The following USP20 variants were observed in gnomAD, a reference collection of about 807,000 sequenced individuals.
USP20 encodes the protein ubiquitin specific peptidase 20.
USP20 carries 80 observed loss-of-function variants against 124.2 expected under a neutral mutation model. The observed-to-expected ratio is 0.64, with a 90% CI of 0.54 to 0.78. The LOEUF (loss-of-function observed/expected upper bound fraction) is 0.78. USP20 is among the 30% of genes least tolerant of loss of function. USP20 has a pLI of 0.00. For synonymous variants in USP20, 481 were observed against 512.3 expected (o/e 0.94, Z 0.83); for missense variants, 1,043 against 1,244.4 (o/e 0.84, Z 2.44).
intron 1 of USP20, among the ~76,000 whole-genome samples, chr9:129,838,101 G>A (rs2031971530): frequency 6.6e-6 from 1 of 151,318 alleles, no homozygotes; most frequent in African/African-American, 2.4e-5. Flanking sequence ...GAGTGCAGTG[G>A]TGCGATCTTG....
At position 129,870,498 on chromosome 9, in the gene USP20, C is replaced by CA. The variant is rs776592417; in HGVS notation, c.1612dup (p.Thr538AsnfsTer13). ...CCAGCTGGTTTTGGGGGCCTGTCGT[C>CA]ACCCTGGAAGACTGCCTTGCTGCCT... On this transcript the variant is annotated frameshift_variant, in exon 15 of 26. Coordinates refer to ENST00000372429, the MANE Select transcript of USP20 (RefSeq NM_001110303.4). LOFTEE classifies it high-confidence loss of function. 6.2e-6 allele frequency: 10 copies of CA among 1,614,086 alleles called. No individual in the cohort carries two copies. Among genetic ancestry groups the CA allele is most frequent in the Non-Finnish European group, 1.7e-6 (2 of 1,180,038 alleles).
intron 17 of USP20, 142 bp from the exon 18 acceptor site, chr9:129,874,434 C>A: frequency 1.8e-6 from 2 of 1,097,522 alleles, no homozygotes; most frequent in Non-Finnish European, 2.6e-6. Context: ...CGAGCCCAGT[C>A]TGGCCCCCAC....
In USP20 at chr9:129,880,718, C is replaced by T. The variant is rs1042050073; in HGVS notation, c.*268C>T. 22 of 167,740 alleles carry T rather than the reference C, an allele frequency of 1.3e-4. No individual in the cohort carries two copies. Among genetic ancestry groups the T allele is most frequent in the African/African-American group, 3.8e-4 (16 of 42,126 alleles). The allele number at this position is 167,740 out of a possible 1,614,324, so 10.4% of individuals were successfully genotyped here. A position where few individuals can be genotyped will look rare whatever the true frequency, so the allele number is the denominator to read the frequency against. On this transcript the variant is annotated 3_prime_UTR_variant, in exon 26 of 26. Transcript: ENST00000372429. ...CCCCACAACTGTCCTCTTGCTAGCT[C>T]GGCCCAGCTTTGTCCCTGGAGCCCG...
chr9:129,867,352 T>A (rs1201031657), intron 10 of USP20, among the ~76,000 whole-genome samples: 2 of 152,102 alleles, frequency 1.3e-5, no homozygotes, highest in Non-Finnish European at 2.9e-5. Context: ...CAGGATAAAA[T>A]GGTCATTGCT....
chr9:129,855,275 CA>C (rs1176751097), intron 3 of USP20, among the ~76,000 whole-genome samples: 1 of 151,988 alleles, frequency 6.6e-6, no homozygotes, highest in Non-Finnish European at 1.5e-5. Flanking sequence ...ACTAATAATA[CA>C]AAAAATTAGC....
intron 1 of USP20, among the ~76,000 whole-genome samples, chr9:129,843,429 C>T (rs561346208): frequency 1.3e-5 from 2 of 151,600 alleles, no homozygotes; most frequent in African/African-American, 4.8e-5. Flanking sequence ...GACTCTGTCT[C>T]AACCACGACA....
At chr9:129,877,396 G>C (rs1257931352) in intron 22 of USP20, among the ~76,000 whole-genome samples, 5 of 152,110 alleles carry the variant, frequency 3.3e-5, no homozygotes, top group Non-Finnish European at 5.9e-5. Flanking sequence ...ATGTGTACCT[G>C]TAGTCCCCGC....
At chr9:129,852,670 C>T (rs1432106751) in intron 3 of USP20, 34 bp downstream of exon 3, 1 of 1,554,798 alleles carries the variant, frequency 6.4e-7, no homozygotes, top group Non-Finnish European at 8.7e-7. Context: ...CCAGGGCCCA[C>T]ACCCAGGGCT....
Position 129,861,486 on chromosome 9 carries a change from G to C in USP20, c.428-57G>C. On this transcript the variant is annotated intron_variant, in intron 7 of 25. Coordinates refer to ENST00000372429, the MANE Select transcript of USP20 (RefSeq NM_001110303.4). ...CTTTGTGCCAAATGTGACTTGCAAG[G>C]TTTCCTCGGTGGGGCAGGGTGCTCA... The C allele has an allele frequency of 2.6e-6, 4 of 1,546,368 alleles. No individual in the cohort carries two copies. In the South Asian group the frequency reaches 4.5e-5, roughly 17 times the overall value.
At chr9:129,845,142 T>C (rs2032465147) in intron 1 of USP20, among the ~76,000 whole-genome samples, 1 of 152,126 alleles carries the variant, frequency 6.6e-6, no homozygotes, top group Non-Finnish European at 1.5e-5. Context: ...GAAGTGTGCT[T>C]AGGAGCCATC....
rs2034406367 is a variant in USP20, at chr9:129,876,290, C to T, written c.2409+52C>T. 1.3e-6 allele frequency: 2 copies of T among 1,488,532 alleles called. 1 individual carries two copies. Among genetic ancestry groups the T allele is most frequent in the Middle Eastern group, 3.5e-4 (2 of 5,790 alleles). 92.2% of individuals were successfully genotyped at this position (1,488,532 alleles called of 1,614,324 possible). A position where few individuals can be genotyped will look rare whatever the true frequency, so the allele number is the denominator to read the frequency against. ...CGGCTCTGCCAGCCTCTGCCTGGGG[C>T]AGCTGGGGACTTGGGGACAGAAGAA... On this transcript the variant is annotated intron_variant, in intron 22 of 25. Transcript: ENST00000372429.
In USP20 at chr9:129,870,630, G is replaced by A. The variant is rs1030123170; in HGVS notation, c.1660+83G>A. On this transcript the variant is annotated intron_variant, in intron 15 of 25. Transcript: ENST00000372429. ...GCAGACCCCAGCAGGCCAGCATGCA[G>A]CCCAGGGCTTGTGGGATGCACAGCC... The A allele has an allele frequency of 4.1e-6, 6 of 1,460,362 alleles. No homozygotes were observed. The African/African-American group carries it at 7.0e-5, about 17-fold the overall frequency. 90.5% of individuals were successfully genotyped at this position (1,460,362 alleles called of 1,614,324 possible). A position where few individuals can be genotyped will look rare whatever the true frequency, so the allele number is the denominator to read the frequency against.
At chr9:129,869,603 C>A in intron 13 of USP20, 69 bp from the exon 14 acceptor site, 2 of 1,593,484 alleles carry the variant, frequency 1.3e-6, no homozygotes, top group South Asian at 2.3e-5. Context: ...TGCCCCTCAC[C>A]TGCTGCTTGG....
chr9:129,860,625 G>A (rs534790637), intron 6 of USP20, among the ~76,000 whole-genome samples: 100 of 152,214 alleles, frequency 6.6e-4, no homozygotes, highest in Non-Finnish European at 9.4e-4. Context: ...TGAGAAGGGC[G>A]AGGTGGGAGG....
intron 1 of USP20, among the ~76,000 whole-genome samples, chr9:129,844,814 G>A (rs1042627965): frequency 2.0e-5 from 3 of 146,770 alleles, no homozygotes; most frequent in African/African-American, 5.3e-5. Flanking sequence ...AGACAAAAAT[G>A]CCTTTAAAAT....
At chr9:129,851,499 C>T (rs1298643018) in intron 2 of USP20, among the ~76,000 whole-genome samples, 1 of 152,156 alleles carries the variant, frequency 6.6e-6, no homozygotes, top group Non-Finnish European at 1.5e-5. Flanking sequence ...ATTCAGATTT[C>T]ACTAGTTCTG....
At chr9:129,863,448 T>G in intron 9 of USP20, 149 bp downstream of exon 9, 1 of 583,162 alleles carries the variant, frequency 1.7e-6, no homozygotes, top group Non-Finnish European at 3.0e-6. Context: ...GCCTGCGGGG[T>G]GGAAATTGCA....
chr9:129,868,052 G>C lies in USP20; in HGVS notation c.738G>C (p.Glu246Asp). 1 of 1,614,152 alleles carries C rather than the reference G, an allele frequency of 6.2e-7. No homozygotes were observed. Among genetic ancestry groups the C allele is most frequent in the Non-Finnish European group, 8.5e-7 (1 of 1,180,010 alleles). The change falls in exon 11 of 26, where the codon GAG becomes GAC. Residue 246 changes from glutamate (E) to aspartate (D), a missense_variant. Transcript: ENST00000372429. Reference sequence around the variant, plus strand: ...GCCTGATGGACCAGCTGCACGAGGAGCTCAAGGAGCCGGTGGTGGCCACGG... The same window carrying C: ...GCCTGATGGACCAGCTGCACGAGGACCTCAAGGAGCCGGTGGTGGCCACGG... ...LRCLMDQLHEELKEPVVATVA... is the reference protein window; with the variant it reads ...LRCLMDQLHEDLKEPVVATVA...
At chr9:129,860,790 C>G (rs2033502304) in intron 6 of USP20, 147 bp from the exon 7 acceptor site, 1 of 767,896 alleles carries the variant, frequency 1.3e-6, no homozygotes, top group African/African-American at 1.8e-5. Flanking sequence ...TATCTCTTTT[C>G]ACAGTACCTT....
Sources: allele counts gnomAD v4.1 joint callset (sites outside exome capture counted in the v4.1 genomes callset), GRCh38; gene constraint gnomAD v4.1.1; transcripts MANE v1.5; gene names NCBI Gene and HGNC (gene_info 2026-07-23, HGNC 2026-07-21).